Variants in ZSCAN4 observed in about 807,000 individuals in gnomAD.
ZSCAN4 encodes the protein zinc finger and SCAN domain containing 4, also known as zinc finger and SCAN domain-containing protein 4.
Under a neutral mutation model 18.3 loss-of-function variants are expected in ZSCAN4, and 18 were observed. The observed-to-expected ratio is 0.98, with a 90% CI of 0.68 to 1.46. The LOEUF (loss-of-function observed/expected upper bound fraction) is 1.46, where lower values mean the gene tolerates loss of function less well. ZSCAN4 is among the 40% of genes most tolerant of loss of function. ZSCAN4 has a pLI of 0.00. For missense variants in ZSCAN4, 498 were observed against 511.4 expected (o/e 0.97, Z 0.25); for synonymous variants, 193 against 180.3 (o/e 1.07, Z -0.57).
upstream of ZSCAN4, among the ~76,000 whole-genome samples, chr19:57,663,970 C>T (rs1383524070): frequency 6.6e-6 from 1 of 151,774 alleles, no homozygotes; most frequent in Non-Finnish European, 1.5e-5. Context: ...CTACTAAAAA[C>T]ACCAAAAAAC....
chr19:57,672,604 C>CTTT (rs71188041), intron 2 of ZSCAN4, among the ~76,000 whole-genome samples: 2 of 137,262 alleles, frequency 1.5e-5, no homozygotes, highest in Non-Finnish European at 3.2e-5. Context: ...ACATAGTTAT[C>CTTT]TTTTTTTTTT....
chr19:57,655,819 C>G, the ZSCAN4 span, among the ~76,000 whole-genome samples: 1 of 151,990 alleles, frequency 6.6e-6, no homozygotes, highest in African/African-American at 2.4e-5. Context: ...ATATCAGAGA[C>G]CCCCTTACAG....
the ZSCAN4 span, among the ~76,000 whole-genome samples, chr19:57,653,437 C>A: frequency 2.7e-5 from 4 of 150,650 alleles, no homozygotes; most frequent in African/African-American, 9.8e-5. Flanking sequence ...TTTTCTTTCT[C>A]GCCTTTCAGA....
chr19:57,654,393 G>A, the ZSCAN4 span, among the ~76,000 whole-genome samples: 6 of 151,894 alleles, frequency 4.0e-5, no homozygotes, highest in Admixed American at 6.6e-5. Flanking sequence ...CAAGGTTTGC[G>A]ATGTTTCCAA....
chr19:57,676,366 A>G, exon 3 of ZSCAN4: 3 of 1,614,230 alleles, frequency 1.9e-6, no homozygotes, highest in Non-Finnish European at 2.5e-6. Context: ...TCATGGCTGC[A>G]ACCAGAAAAG....
upstream of ZSCAN4, among the ~76,000 whole-genome samples, chr19:57,667,947 G>C (rs750876958): frequency 2.3e-4 from 35 of 152,030 alleles, no homozygotes; most frequent in Non-Finnish European, 4.9e-4. Context: ...TGTCGCCCAG[G>C]CTGGAGAGCA....
At chr19:57,670,793 C>A (rs1352939797) in intron 2 of ZSCAN4, among the ~76,000 whole-genome samples, 2 of 151,934 alleles carry the variant, frequency 1.3e-5, no homozygotes, top group East Asian at 3.9e-4. Flanking sequence ...ATGTTGTGAA[C>A]TCTGTATAAA....
exon 5 of ZSCAN4, chr19:57,678,624 G>C (rs1245388012): frequency 1.2e-6 from 2 of 1,614,058 alleles, no homozygotes; most frequent in Non-Finnish European, 1.7e-6. Flanking sequence ...GAGGCCATTT[G>C]TTTGTCCCGA....
chr19:57,670,505 T>C (rs1453069606), exon 2 of ZSCAN4: 1 of 152,190 alleles, frequency 6.6e-6, no homozygotes, highest in East Asian at 1.9e-4. Context: ...ATAAACCCAG[T>C]GTGGAAAGCT....
the ZSCAN4 span, among the ~76,000 whole-genome samples, chr19:57,656,795 C>G: frequency 6.6e-6 from 1 of 152,208 alleles, no homozygotes; most frequent in African/African-American, 2.4e-5. Context: ...CAAGACCAGC[C>G]TGGGCAACAT....
chr19:57,671,741 G>A (rs1984029915), intron 2 of ZSCAN4, among the ~76,000 whole-genome samples: 2 of 152,158 alleles, frequency 1.3e-5, no homozygotes, highest in African/African-American at 4.8e-5. Flanking sequence ...TTAGGGAAAG[G>A]CAAGAATGTG....
intron 2 of ZSCAN4, among the ~76,000 whole-genome samples, chr19:57,672,490 T>C (rs188892274): frequency 6.6e-6 from 1 of 152,328 alleles, no homozygotes; most frequent in Admixed American, 6.5e-5. Flanking sequence ...TTGACAAAGA[T>C]TGTATATATT....
chr19:57,664,500 A>G (rs1442127047), upstream of ZSCAN4: 4 of 133,742 alleles, frequency 3.0e-5, no homozygotes, highest in African/African-American at 1.1e-4. Flanking sequence ...CGTGGAGGAC[A>G]GCGAGACCCG....
At chr19:57,664,089 C>T (rs1983788159), upstream of ZSCAN4, among the ~76,000 whole-genome samples, 1 of 151,802 alleles carries the variant, frequency 6.6e-6, no homozygotes, top group Admixed American at 6.6e-5. Flanking sequence ...AGAGATCGTG[C>T]CATTGCAGTA....
the ZSCAN4 span, among the ~76,000 whole-genome samples, chr19:57,656,110 T>C: frequency 0.052 from 7,853 of 152,234 alleles, 277 homozygotes; most frequent in African/African-American, 0.089. Context: ...GGGACCTGCA[T>C]AGTAAATGGC....
At chr19:57,658,516 C>CA in the ZSCAN4 span, among the ~76,000 whole-genome samples, 5 of 152,018 alleles carry the variant, frequency 3.3e-5, no homozygotes, top group Non-Finnish European at 7.4e-5. Flanking sequence ...TAATACACAC[C>CA]AAAAATATTC....
chr19:57,678,867 A>G, exon 5 of ZSCAN4: 1 of 1,610,284 alleles, frequency 6.2e-7, no homozygotes, highest in Non-Finnish European at 8.5e-7. Flanking sequence ...TGAGAAAATT[A>G]CCCTGCCAAG....
chr19:57,670,977 T>C (rs1220719798), intron 2 of ZSCAN4, among the ~76,000 whole-genome samples: 2 of 151,976 alleles, frequency 1.3e-5, no homozygotes, highest in Non-Finnish European at 2.9e-5. Context: ...TCCTTCCACC[T>C]TAGCTTCCTG....
chr19:57,665,233 A>G (rs1983823920), upstream of ZSCAN4, among the ~76,000 whole-genome samples: 3 of 152,234 alleles, frequency 2.0e-5, no homozygotes, highest in Admixed American at 2.0e-4. Flanking sequence ...GCTACAGACA[A>G]AAGCAAAAAG....
Sources: gnomAD v4.1 joint callset for allele counts (sites outside exome capture counted in the v4.1 genomes callset) on GRCh38, gnomAD v4.1.1 for gene constraint, MANE v1.5 for transcripts, NCBI Gene and HGNC (gene_info 2026-07-23, HGNC 2026-07-21) for gene names.